OTOGL: variants seen among roughly 807,000 people sequenced by gnomAD.
OTOGL encodes otogelin like.
Under a neutral mutation model 318.5 loss-of-function variants are expected in OTOGL, and 285 were observed. The observed-to-expected ratio is 0.89, with a 90% CI of 0.81 to 0.99. The LOEUF (loss-of-function observed/expected upper bound fraction) is 0.99, where lower values mean the gene tolerates loss of function less well. Ranked by LOEUF, OTOGL falls within the 50% of genes least tolerant of loss-of-function variation. OTOGL has a pLI of 0.00. For synonymous variants in OTOGL, 987 were observed against 936.5 expected, an observed-to-expected ratio of 1.05 and a Z score of -0.99; for missense variants, 2,899 against 2,845.6, an observed-to-expected ratio of 1.02 and a Z score of -0.43.
chr12:80,278,263 C>A lies in OTOGL; in HGVS notation c.2777C>A (p.Pro926Gln). Residue 926 changes from proline (P) to glutamine (Q), a missense_variant, in exon 25 of 59, where the codon CCG becomes CAG. Around this residue, in one of 3 missense-constraint regions of OTOGL, gnomAD observed 2,607 missense variants for 2,524.9 expected, o/e 1.03. Coordinates refer to ENST00000547103, the MANE Select transcript of OTOGL (RefSeq NM_001378609.3). ...CTCTCAGGAGAAGTGATTGCTACAC[C>A]GTGTTACACCTGGTAAGGAGATCCA... Reference protein sequence around the residue: ...EYLSGEVIATPCYTCVCRRGM... With the variant: ...EYLSGEVIATQCYTCVCRRGM... The A allele has an allele frequency of 6.5e-7, 1 of 1,535,654 alleles. No homozygotes were observed. Among genetic ancestry groups the A allele is most frequent in the Non-Finnish European group, 8.8e-7 (1 of 1,134,534 alleles).
At chr12:80,144,098 C>T (rs1216365436) in intron 1 of OTOGL, among the ~76,000 whole-genome samples, 2 of 150,198 alleles carry the variant, frequency 1.3e-5, no homozygotes, top group Non-Finnish European at 3.0e-5. Context: ...GGTACTTGTG[C>T]ACATTGTGCA....
intron 27 of OTOGL, 87 bp from the exon 28 acceptor site, chr12:80,302,547 G>A: frequency 1.1e-6 from 1 of 901,276 alleles, no homozygotes; most frequent in Non-Finnish European, 1.5e-6. Context: ...ATAAATAGTT[G>A]TTGGTAAATG....
In OTOGL at chr12:80,366,637, G is replaced by T; in HGVS notation, c.6331G>T (p.Glu2111Ter). 7.3e-7 allele frequency: 1 copy of T among 1,372,868 alleles called. No homozygotes were observed. Among genetic ancestry groups the T allele is most frequent in the Middle Eastern group, 1.9e-4 (1 of 5,296 alleles). The allele number at this position is 1,372,868 out of a possible 1,614,324, so 85.0% of individuals were successfully genotyped here. A position where few individuals can be genotyped will look rare whatever the true frequency, so the allele number is the denominator to read the frequency against. ...TTGTGGATGCATACAGTATCTCTGT[G>T]GTAACTATGTCTTTTGTAACTTTTA... is the stretch of plus-strand genomic sequence containing the variant. The part of the protein sequence containing the change: ...SDCGCIQYLC[E>*]KDDVCVFQEV... The change falls in exon 53 of 59, where the codon GAA becomes TAA. Residue 2111 changes from glutamate to a stop codon, truncating the protein, a stop_gained and splice_region_variant. Coordinates refer to ENST00000547103, the MANE Select transcript of OTOGL (RefSeq NM_001378609.3). LOFTEE classifies it high-confidence loss of function.
chr12:80,185,730 A>G (rs1875244031), intron 1 of OTOGL, among the ~76,000 whole-genome samples: 1 of 152,208 alleles, frequency 6.6e-6, no homozygotes, highest in African/African-American at 2.4e-5. Flanking sequence ...TGCCTAGCAT[A>G]TTAGTTTTCA....
chr12:80,327,842 C>T (rs1055758175), intron 35 of OTOGL, among the ~76,000 whole-genome samples: 6 of 150,704 alleles, frequency 4.0e-5, no homozygotes, highest in Non-Finnish European at 5.9e-5. Flanking sequence ...GCCTGTAGTC[C>T]CAGCTACTTG....
At chr12:80,206,502 A>G (rs746302695) in intron 1 of OTOGL, among the ~76,000 whole-genome samples, 13 of 151,950 alleles carry the variant, frequency 8.6e-5, no homozygotes, top group Non-Finnish European at 1.5e-4. Context: ...CCTCTTACAA[A>G]TTCTACTATT....
intron 44 of OTOGL, among the ~76,000 whole-genome samples, chr12:80,342,683 C>T (rs1034025368): frequency 6.6e-6 from 1 of 152,094 alleles, no homozygotes; most frequent in Non-Finnish European, 1.5e-5. Flanking sequence ...TTCATGATCA[C>T]TTAACTATAA....
chr12:80,352,350 A>G lies in OTOGL; in HGVS notation c.5321A>G (p.Asn1774Ser), dbSNP rs759618586. The stretch of plus-strand genomic sequence containing the variant: ...TGGATCAATTATACCTATTTTTGGA[A>G]CTATGAATGTGATGCACTTTCTGCA... ...KMWINYTYFWNYECDALSAYV... is the reference protein window; with the variant it reads ...KMWINYTYFWSYECDALSAYV... The change falls in exon 45 of 59, where the codon AAC (asparagine) becomes AGC (serine). Residue 1774 changes from asparagine (N) to serine (S), a missense_variant. Asn to Ser is a conservative substitution (Grantham distance 46). Around this residue, in one of 3 missense-constraint regions of OTOGL, gnomAD observed 2,607 missense variants for 2,524.9 expected, o/e 1.03. Coordinates refer to ENST00000547103, the MANE Select transcript of OTOGL (RefSeq NM_001378609.3). The G allele has an allele frequency of 2.5e-6, 4 of 1,612,572 alleles. No homozygotes were observed. In the South Asian group the frequency reaches 4.4e-5, roughly 18 times the overall value.
intron 1 of OTOGL, among the ~76,000 whole-genome samples, chr12:80,161,709 A>C (rs1260012066): frequency 6.6e-6 from 1 of 152,098 alleles, no homozygotes; most frequent in East Asian, 1.9e-4. Context: ...TGGGAGGAGC[A>C]AGGTTTGGGA....
intron 1 of OTOGL, among the ~76,000 whole-genome samples, chr12:80,113,096 T>C (rs1246685533): frequency 6.6e-6 from 1 of 152,192 alleles, no homozygotes. Context: ...GGATCAGAGG[T>C]GATCTCCCCT....
At chr12:80,239,241 T>A (rs369655729) in intron 10 of OTOGL, 92 bp from the exon 11 acceptor site, 2 of 1,091,094 alleles carry the variant, frequency 1.8e-6, no homozygotes, top group East Asian at 2.5e-5. Context: ...TTGTGAGAAC[T>A]GAAAATCTTG....
intron 9 of OTOGL, among the ~76,000 whole-genome samples, chr12:80,235,597 GA>G (rs1879775763): frequency 6.6e-6 from 1 of 152,018 alleles, no homozygotes; most frequent in Non-Finnish European, 1.5e-5. Flanking sequence ...ACTTAGATTT[GA>G]GTTAAGGGCC....
At chr12:80,311,400 G>A (rs1219872939) in intron 30 of OTOGL, among the ~76,000 whole-genome samples, 1 of 152,144 alleles carries the variant, frequency 6.6e-6, no homozygotes, top group Non-Finnish European at 1.5e-5. Context: ...CATTCAGACA[G>A]GGATATTTGG....
Position 80,241,504 on chromosome 12 carries a change from A to G in OTOGL, c.1052+2065A>G, listed in dbSNP as rs183659151. On this transcript the variant is annotated intron_variant, in intron 11 of 58. Transcript: ENST00000547103. ...TTAAGGATGGCTGTAGGTAGGCCAT[A>G]GTCCTTATTTAGTCACATATATGGA... Among the ~76,000 whole-genome samples the G allele has an allele frequency of 5.5e-3, 843 of 152,150 alleles. 1 individual carries two copies. The highest frequency in any genetic ancestry group is 0.01 in the Non-Finnish European group (712 of 67,996).
chr12:80,127,072 G>T (rs1319804349), intron 1 of OTOGL, among the ~76,000 whole-genome samples: 2 of 152,168 alleles, frequency 1.3e-5, no homozygotes, highest in Non-Finnish European at 2.9e-5. Context: ...GTGTGAATTT[G>T]ATCCTGTCAT....
At chr12:80,351,986 A>G (rs1274930489) in intron 44 of OTOGL, among the ~76,000 whole-genome samples, 3 of 152,232 alleles carry the variant, frequency 2.0e-5, no homozygotes, top group Non-Finnish European at 4.4e-5. Context: ...CTTATTCAGT[A>G]TATGGAAAAG....
intron 26 of OTOGL, among the ~76,000 whole-genome samples, chr12:80,290,340 A>G (rs1262501049): frequency 6.6e-6 from 1 of 151,838 alleles, no homozygotes; most frequent in Non-Finnish European, 1.5e-5. Context: ...CTATTCGGCC[A>G]TCTTGCCAAG....
chr12:80,328,319 AAACAACAACAACAAC>A (rs3045899), intron 35 of OTOGL, among the ~76,000 whole-genome samples: 4 of 148,752 alleles, frequency 2.7e-5, no homozygotes, highest in Admixed American at 1.3e-4. Context: ...ACCCTGTCAC[AAACAACAACAACAAC>A]AACAACAACA....
At chr12:80,371,632 T>C (rs1013877838) in intron 56 of OTOGL, among the ~76,000 whole-genome samples, 3 of 152,150 alleles carry the variant, frequency 2.0e-5, no homozygotes, top group Non-Finnish European at 2.9e-5. Context: ...TAACATTCAG[T>C]TATATTCAGA....
Sources: allele counts gnomAD v4.1 joint callset (sites outside exome capture counted in the v4.1 genomes callset), GRCh38; gene constraint gnomAD v4.1.1; regional missense constraint gnomAD v4.1.1; transcripts MANE v1.5; gene names NCBI Gene and HGNC (gene_info 2026-07-23, HGNC 2026-07-21).